RANBP2: variants seen among roughly 807,000 people sequenced by gnomAD.
RANBP2 encodes E3 SUMO-protein ligase RanBP2.
RANBP2 carries 57 observed loss-of-function variants against 303.6 expected under a neutral mutation model. The ratio of observed to expected loss-of-function variants is 0.19; its 90% CI spans 0.15 to 0.23. The LOEUF (loss-of-function observed/expected upper bound fraction) is 0.23. Ranked by LOEUF, RANBP2 falls within the 10% of genes least tolerant of loss-of-function variation. The probability of loss-of-function intolerance (pLI) is 1.00; values close to 1 mark genes in which losing one functional copy is unlikely to be tolerated. For synonymous variants in RANBP2, 1,167 were observed against 1,301.5 expected (o/e 0.90, Z 2.23); for missense variants, 3,138 against 3,780.8 (o/e 0.83, Z 4.46).
At chr2:109,555,523 GA>G in the RANBP2 span, among the ~76,000 whole-genome samples, 1 of 152,192 alleles carries the variant, frequency 6.6e-6, no homozygotes, top group Non-Finnish European at 1.5e-5. Context: ...TATACCACTG[GA>G]GGCTATATTA....
At chr2:108,975,273 A>G in the RANBP2 span, among the ~76,000 whole-genome samples, 1 of 152,198 alleles carries the variant, frequency 6.6e-6, no homozygotes, top group Non-Finnish European at 1.5e-5. Flanking sequence ...GGTGCAGAGT[A>G]AATCCCCTGC....
At chr2:108,977,124 C>T in the RANBP2 span, among the ~76,000 whole-genome samples, 1 of 152,156 alleles carries the variant, frequency 6.6e-6, no homozygotes, top group African/African-American at 2.4e-5. Flanking sequence ...TCCAGTGGCC[C>T]CCACTGGCCC....
chr2:109,449,130 C>T, the RANBP2 span: 3 of 1,593,592 alleles, frequency 1.9e-6, no homozygotes, highest in Admixed American at 3.5e-5. Context: ...AAGTTGCAAA[C>T]TAACCTTTCA....
the RANBP2 span, among the ~76,000 whole-genome samples, chr2:108,924,227 C>T: frequency 8.5e-5 from 13 of 152,350 alleles, no homozygotes; most frequent in South Asian, 2.1e-4. Context: ...GTGCCAGCCC[C>T]GTGGCTATAT....
At chr2:109,457,463 A>G in the RANBP2 span, among the ~76,000 whole-genome samples, 3 of 152,376 alleles carry the variant, frequency 2.0e-5, no homozygotes, top group Non-Finnish European at 4.4e-5. Flanking sequence ...AGTCATGTGT[A>G]ATAGTTGTGA....
chr2:108,761,784 A>C (rs1048022054), intron 18 of RANBP2, among the ~76,000 whole-genome samples: 1 of 152,118 alleles, frequency 6.6e-6, no homozygotes, highest in Non-Finnish European at 1.5e-5. Flanking sequence ...CCATAATTCC[A>C]CATCATACTG....
the RANBP2 span, among the ~76,000 whole-genome samples, chr2:109,132,564 C>G: frequency 6.6e-6 from 1 of 152,170 alleles, no homozygotes; most frequent in Admixed American, 6.5e-5. Context: ...ATAATATACC[C>G]AGTGACGAGT....
downstream of RANBP2, among the ~76,000 whole-genome samples, chr2:108,789,286 A>T (rs963787150): frequency 7.9e-5 from 12 of 151,850 alleles, no homozygotes; most frequent in East Asian, 1.9e-4. Context: ...TTCTTTAAAA[A>T]TTTTTTTTTA....
the RANBP2 span, among the ~76,000 whole-genome samples, chr2:109,110,559 C>T: frequency 1.3e-5 from 2 of 152,160 alleles, no homozygotes; most frequent in African/African-American, 2.4e-5. Context: ...CCCACTGTCT[C>T]GGCAAGGTTT....
At chr2:109,288,201 A>G in the RANBP2 span, among the ~76,000 whole-genome samples, 1 of 152,242 alleles carries the variant, frequency 6.6e-6, no homozygotes, top group Non-Finnish European at 1.5e-5. Flanking sequence ...CATTCAGAAT[A>G]GGTGCAAGGA....
At chr2:109,082,808 A>G in the RANBP2 span, among the ~76,000 whole-genome samples, 285 of 150,248 alleles carry the variant, frequency 1.9e-3, 2 homozygotes, top group Non-Finnish European at 2.7e-3. Flanking sequence ...CCTGGACGAC[A>G]TATCAAGACC....
chr2:108,816,129 G>A, the RANBP2 span: 1 of 1,535,408 alleles, frequency 6.5e-7, no homozygotes, highest in African/African-American at 1.4e-5. Context: ...TTTGAAATAT[G>A]TGATTCAGAA....
At chr2:109,381,088 A>G in the RANBP2 span, among the ~76,000 whole-genome samples, 1 of 152,222 alleles carries the variant, frequency 6.6e-6, no homozygotes, top group South Asian at 2.1e-4. Context: ...GTGGTCTACC[A>G]CTTGCTGAGT....
intron 1 of RANBP2, among the ~76,000 whole-genome samples, chr2:108,727,267 C>A (rs1694796414): frequency 6.6e-6 from 1 of 152,170 alleles, no homozygotes; most frequent in Admixed American, 6.5e-5. Flanking sequence ...GAAAAAAGAT[C>A]ATATACTGGA....
chr2:108,783,621 G>A lies in RANBP2; in HGVS notation c.9395G>A (p.Gly3132Glu). ...CQGGDITKHD[G>E]TGGQSIYGDK... ...GGAGGAGATATCACCAAACATGATG[G>A]AACAGGCGGACAGTCCATTTATGGA... The change falls in exon 29 of 29, where the codon GGA (glycine) becomes GAA (glutamate). Residue 3132 changes from glycine (G) to glutamate (E), a missense_variant. By Grantham distance (98) the Gly-to-Glu change is moderately conservative (BLOSUM62 -2). Transcript: ENST00000283195. The A allele has an allele frequency of 3.7e-6, 6 of 1,611,878 alleles. No individual in the cohort carries two copies. Among genetic ancestry groups the A allele is most frequent in the Non-Finnish European group, 5.1e-6 (6 of 1,178,588 alleles).
the RANBP2 span, among the ~76,000 whole-genome samples, chr2:109,358,911 T>G: frequency 6.6e-6 from 1 of 152,202 alleles, no homozygotes; most frequent in Non-Finnish European, 1.5e-5. Flanking sequence ...AGTTTTGTAG[T>G]TTTATATTTT....
At chr2:109,556,078 A>C in the RANBP2 span, among the ~76,000 whole-genome samples, 649 of 152,260 alleles carry the variant, frequency 4.3e-3, 2 homozygotes, top group Admixed American at 6.9e-3. Flanking sequence ...TTTCTTTATA[A>C]ATGTTCATAG....
chr2:108,944,700 C>T, the RANBP2 span, among the ~76,000 whole-genome samples: 1 of 152,088 alleles, frequency 6.6e-6, no homozygotes, highest in South Asian at 2.1e-4. Flanking sequence ...GGTGTCTGGG[C>T]CTGGGAGGGA....
rs1405567272 is a variant in RANBP2 at position 108,744,240 on chromosome 2, C to G, written c.976-2471C>G. ...CCAACATGGTCAAACCCCATCTCTA[C>G]TAAAAATACAAAAATTAGCCACGCA... On this transcript the variant is annotated intron_variant, in intron 7 of 28. Transcript: ENST00000283195. 5.3e-5 allele frequency among the ~76,000 whole-genome samples: 8 copies of G among 152,226 alleles called. No individual in the cohort carries two copies. In the East Asian group the frequency reaches 1.2e-3, roughly 22 times the overall value.
Sources: allele counts gnomAD v4.1 joint callset (sites outside exome capture counted in the v4.1 genomes callset), GRCh38; gene constraint gnomAD v4.1.1; transcripts MANE v1.5; gene names NCBI Gene and HGNC (gene_info 2026-07-23, HGNC 2026-07-21).